Variants in HS3ST3B1 observed in about 807,000 individuals in gnomAD.
HS3ST3B1 encodes the protein heparan sulfate glucosamine 3-O-sulfotransferase 3B1.
Under a neutral mutation model 21.3 loss-of-function variants are expected in HS3ST3B1, and 13 were observed. The observed-to-expected ratio is 0.61, with a 90% CI of 0.40 to 0.97. The LOEUF (loss-of-function observed/expected upper bound fraction) is 0.97, where lower values mean the gene tolerates loss of function less well. Ranked by LOEUF, HS3ST3B1 falls within the 50% of genes least tolerant of loss-of-function variation. HS3ST3B1 has a pLI of 0.00. For synonymous variants in HS3ST3B1, 234 were observed against 254.8 expected, an observed-to-expected ratio of 0.92 and a Z score of 0.78; for missense variants, 459 against 554.8, an observed-to-expected ratio of 0.83 and a Z score of 1.73.
At chr17:14,338,807 T>G (rs1910279553) in intron 1 of HS3ST3B1, among the ~76,000 whole-genome samples, 1 of 152,200 alleles carries the variant, frequency 6.6e-6, no homozygotes, top group Non-Finnish European at 1.5e-5. Flanking sequence ...CAAATCCTCC[T>G]GGTTCTCAGA....
chr17:14,313,426 C>T (rs938933642), intron 1 of HS3ST3B1, among the ~76,000 whole-genome samples: 1 of 152,114 alleles, frequency 6.6e-6, no homozygotes, highest in Non-Finnish European at 1.5e-5. Flanking sequence ...AGGACCTCCT[C>T]TTGCTCGAAG....
At position 14,320,093 on chromosome 17, in the gene HS3ST3B1, A is replaced by G. The variant is rs568078295; in HGVS notation, c.554+18021A>G. ...GTGGGGCTTTATGAGTGGAAGGGAC[A>G]GGACCTGTCCTACATTTTAGAAAAA... is the stretch of plus-strand genomic sequence containing the variant. On this transcript the variant is annotated intron_variant, in intron 1 of 1. Coordinates refer to ENST00000360954, the MANE Select transcript of HS3ST3B1 (RefSeq NM_006041.3). 1.1e-4 allele frequency among the ~76,000 whole-genome samples: 17 copies of G among 152,322 alleles called. No homozygotes were observed. The South Asian group carries it at 3.5e-3, about 32-fold the overall frequency.
chr17:14,334,267 G>GT (rs898137284), intron 1 of HS3ST3B1, among the ~76,000 whole-genome samples: 3 of 135,562 alleles, frequency 2.2e-5, no homozygotes, highest in African/African-American at 5.6e-5. Flanking sequence ...GTTTTTTCAT[G>GT]GTTTTTTTTT....
At chr17:14,323,336 T>C (rs1909715369) in intron 1 of HS3ST3B1, among the ~76,000 whole-genome samples, 1 of 152,206 alleles carries the variant, frequency 6.6e-6, no homozygotes, top group African/African-American at 2.4e-5. Context: ...TACCTTTTTG[T>C]AGTCAGCAAG....
intron 1 of HS3ST3B1, among the ~76,000 whole-genome samples, chr17:14,335,638 G>C (rs1241339988): frequency 6.6e-6 from 1 of 151,736 alleles, no homozygotes; most frequent in Non-Finnish European, 1.5e-5. Context: ...AGGTTGCAGA[G>C]AGCCGAGATC....
intron 1 of HS3ST3B1, among the ~76,000 whole-genome samples, chr17:14,309,013 C>T (rs1909215888): frequency 2.0e-5 from 3 of 152,222 alleles, no homozygotes; most frequent in Admixed American, 2.0e-4. Context: ...ATGAATGGAG[C>T]TGGGGGGAGA....
chr17:14,312,754 C>T (rs1215370593), intron 1 of HS3ST3B1, among the ~76,000 whole-genome samples: 1 of 152,060 alleles, frequency 6.6e-6, no homozygotes, highest in Non-Finnish European at 1.5e-5. Context: ...CACTCAGGGT[C>T]TCAGCTCTTG....
At chr17:14,342,262 T>G (rs942938181) in intron 1 of HS3ST3B1, among the ~76,000 whole-genome samples, 10 of 152,364 alleles carry the variant, frequency 6.6e-5, no homozygotes, top group African/African-American at 2.2e-4. Flanking sequence ...TTTTTCCTTT[T>G]AATTCCTGTG....
chr17:14,332,829 C>CTTTTTTTTTTT (rs71147859), intron 1 of HS3ST3B1, among the ~76,000 whole-genome samples: 1 of 91,040 alleles, frequency 1.1e-5, no homozygotes, highest in Non-Finnish European at 2.1e-5. Context: ...GACCTTTTAT[C>CTTTTTTTTTTT]TTTTTTTTTT....
Sources: gnomAD v4.1 joint callset for allele counts (sites outside exome capture counted in the v4.1 genomes callset) on GRCh38, gnomAD v4.1.1 for gene constraint, MANE v1.5 for transcripts, NCBI Gene and HGNC (gene_info 2026-07-23, HGNC 2026-07-21) for gene names.